The following ITFG1 variants were observed in gnomAD, a reference collection of about 807,000 sequenced individuals.
ITFG1 encodes T-cell immunomodulatory protein.
ITFG1 carries 34 observed loss-of-function variants against 81.8 expected under a neutral mutation model. That is an observed-to-expected ratio of 0.42 (90% CI 0.32 to 0.55). The LOEUF is 0.55. Among genes scored for constraint, ITFG1 ranks in the 20% least tolerant of loss-of-function variants. The pLI is 0.17. For missense variants in ITFG1, 672 were observed against 755.4 expected (o/e 0.89, Z 1.29); for synonymous variants, 285 against 270.6 (o/e 1.05, Z -0.52).
intron 8 of ITFG1, among the ~76,000 whole-genome samples, chr16:47,363,875 C>T (rs1314873932): frequency 6.6e-6 from 1 of 152,026 alleles, no homozygotes; most frequent in South Asian, 2.1e-4. Flanking sequence ...AAACACTTCT[C>T]TTTGGTACAG....
intron 14 of ITFG1, among the ~76,000 whole-genome samples, chr16:47,179,397 C>T (rs1240401668): frequency 1.3e-5 from 2 of 152,042 alleles, no homozygotes; most frequent in African/African-American, 2.4e-5. Context: ...CTATGCAGCA[C>T]ACCAACATGG....
chr16:47,366,795 G>C (rs1446845637), intron 7 of ITFG1, among the ~76,000 whole-genome samples: 4 of 152,082 alleles, frequency 2.6e-5, no homozygotes, highest in African/African-American at 9.7e-5. Context: ...GCTCCTCTAA[G>C]GATACTGTAG....
At chr16:47,366,417 G>A (rs990681668) in intron 7 of ITFG1, among the ~76,000 whole-genome samples, 4 of 152,172 alleles carry the variant, frequency 2.6e-5, no homozygotes, top group African/African-American at 9.7e-5. Flanking sequence ...ATATCAATGA[G>A]AAGAGAAGCA....
intron 8 of ITFG1, among the ~76,000 whole-genome samples, chr16:47,356,578 G>A (rs1968042900): frequency 6.6e-6 from 1 of 152,170 alleles, no homozygotes; most frequent in South Asian, 2.1e-4. Context: ...GTGAATAAGT[G>A]ATAAGTAGTA....
In ITFG1 at chr16:47,459,051, A is replaced by G. The variant is rs1156293812; in HGVS notation, c.281+52T>C. 22 of 1,097,814 alleles carry G rather than the reference A, an allele frequency of 2.0e-5. 1 individual carries two copies. The East Asian group carries it at 5.0e-4, about 25-fold the overall frequency. 68.0% of individuals were successfully genotyped at this position (1,097,814 alleles called of 1,614,324 possible). A position where few individuals can be genotyped will look rare whatever the true frequency, so the allele number is the denominator to read the frequency against. On this transcript the variant is annotated intron_variant, in intron 2 of 17. Coordinates refer to ENST00000320640, the MANE Select transcript of ITFG1 (RefSeq NM_030790.5). ...ACAACCAATCAGCTACTGCATATCC[A>G]TTATTATATTAATGACTAAAGTTTT... is the stretch of plus-strand genomic sequence containing the variant.
intron 14 of ITFG1, among the ~76,000 whole-genome samples, chr16:47,194,500 A>G (rs1216646442): frequency 2.0e-5 from 3 of 152,208 alleles, no homozygotes; most frequent in Non-Finnish European, 2.9e-5. Flanking sequence ...CTAAGTTTAT[A>G]GAAGAAAGGG....
chr16:47,372,097 A>G (rs1400155659), intron 7 of ITFG1, among the ~76,000 whole-genome samples: 1 of 151,982 alleles, frequency 6.6e-6, no homozygotes, highest in Non-Finnish European at 1.5e-5. Context: ...TATTTTTAGT[A>G]GAGAGGGGTT....
At chr16:47,392,009 T>C (rs183077405) in intron 6 of ITFG1, among the ~76,000 whole-genome samples, 2 of 152,246 alleles carry the variant, frequency 1.3e-5, no homozygotes, top group Admixed American at 1.3e-4. Flanking sequence ...TTTTTACATA[T>C]AAGTAAGTAA....
chr16:47,340,311 C>T (rs1207016424), intron 8 of ITFG1, among the ~76,000 whole-genome samples: 3 of 151,984 alleles, frequency 2.0e-5, no homozygotes, highest in Admixed American at 2.0e-4. Flanking sequence ...TTTTTATTTG[C>T]TATATGATTT....
intron 14 of ITFG1, among the ~76,000 whole-genome samples, chr16:47,170,236 G>C (rs893035300): frequency 1.3e-5 from 2 of 152,142 alleles, no homozygotes; most frequent in Non-Finnish European, 2.9e-5. Context: ...TTTTGTAAGA[G>C]TTTCAGTAAA....
At chr16:47,451,773 A>G (rs1969392845) in intron 4 of ITFG1, among the ~76,000 whole-genome samples, 1 of 152,228 alleles carries the variant, frequency 6.6e-6, no homozygotes, top group Admixed American at 6.5e-5. Flanking sequence ...ACTCTAAGCA[A>G]CAGCACAGAG....
intron 8 of ITFG1, among the ~76,000 whole-genome samples, chr16:47,362,475 C>T (rs1968121811): frequency 6.6e-6 from 1 of 152,226 alleles, no homozygotes; most frequent in African/African-American, 2.4e-5. Context: ...TTTCCCATCA[C>T]TTCTACAGAA....
chr16:47,238,986 C>T (rs563953981), intron 12 of ITFG1, among the ~76,000 whole-genome samples: 1 of 152,192 alleles, frequency 6.6e-6, no homozygotes, highest in East Asian at 1.9e-4. Context: ...CACGATGGCT[C>T]CATCCTCATG....
chr16:47,417,678 C>A lies in ITFG1; in HGVS notation c.655+11126G>T, dbSNP rs575289244. 5.3e-5 allele frequency among the ~76,000 whole-genome samples: 8 copies of A among 152,262 alleles called. No individual in the cohort carries two copies. In the South Asian group the frequency reaches 1.7e-3, roughly 32 times the overall value. ...GGCTTAATTCACTTAACATAATGAT[C>A]TCAATACACATGTTGATGCAAATAA... On this transcript the variant is annotated intron_variant, in intron 6 of 17. Coordinates refer to ENST00000320640, the MANE Select transcript of ITFG1 (RefSeq NM_030790.5).
intron 10 of ITFG1, among the ~76,000 whole-genome samples, chr16:47,290,761 T>G (rs1307117974): frequency 6.6e-6 from 1 of 152,166 alleles, no homozygotes; most frequent in East Asian, 1.9e-4. Flanking sequence ...ATCCATTCAG[T>G]CAGTCTGTAT....
chr16:47,396,524 T>TGTGTGTGTGTGTGTGTGTGTGTGTG (rs1555514103), intron 6 of ITFG1, among the ~76,000 whole-genome samples: 2,156 of 149,100 alleles, frequency 0.014, 49 homozygotes, highest in African/African-American at 0.04. Flanking sequence ...AATAATTATT[T>TGTGTGTGTGTGTGTGTGTGTGTGTG]TGTGTGTGTG....
At chr16:47,383,916 A>C (rs1297419648) in intron 6 of ITFG1, among the ~76,000 whole-genome samples, 2 of 152,050 alleles carry the variant, frequency 1.3e-5, no homozygotes, top group Admixed American at 6.5e-5. Context: ...AAAGAAAAGA[A>C]AAGACTGTAT....
intron 8 of ITFG1, among the ~76,000 whole-genome samples, chr16:47,352,511 A>G (rs975374310): frequency 2.0e-5 from 3 of 152,232 alleles, no homozygotes; most frequent in Non-Finnish European, 4.4e-5. Flanking sequence ...ACATTGAGAT[A>G]CCATCTATAC....
At chr16:47,399,682 A>G (rs1968636310) in intron 6 of ITFG1, among the ~76,000 whole-genome samples, 1 of 152,188 alleles carries the variant, frequency 6.6e-6, no homozygotes, top group African/African-American at 2.4e-5. Flanking sequence ...CATATTTTTA[A>G]TTTAATGTAG....
Sources: gnomAD v4.1 joint callset for allele counts (sites outside exome capture counted in the v4.1 genomes callset) on GRCh38, gnomAD v4.1.1 for gene constraint, MANE v1.5 for transcripts, NCBI Gene and HGNC (gene_info 2026-07-23, HGNC 2026-07-21) for gene names.